Variants in CTNNBL1 observed in about 807,000 individuals in gnomAD.
CTNNBL1 encodes the protein beta-catenin-like protein 1.
CTNNBL1 carries 31 observed loss-of-function variants against 72.7 expected under a neutral mutation model. The observed-to-expected ratio is 0.43, with a 90% confidence interval of 0.32 to 0.58. The LOEUF (loss-of-function observed/expected upper bound fraction) is 0.58, where lower values mean the gene tolerates loss of function less well. Among genes scored for constraint, CTNNBL1 ranks in the 20% least tolerant of loss-of-function variants. The pLI is 0.08. For synonymous variants in CTNNBL1, 240 were observed against 267.3 expected (o/e 0.90, Z 1.00); for missense variants, 534 against 725.1 (o/e 0.74, Z 3.03).
intron 13 of CTNNBL1, among the ~76,000 whole-genome samples, chr20:37,849,666 A>T (rs1421983289): frequency 2.6e-5 from 4 of 152,228 alleles, no homozygotes; most frequent in Non-Finnish European, 5.9e-5. Flanking sequence ...TTTCCCTGAC[A>T]GTTTCTGCAG....
At chr20:37,751,957 T>C (rs1211488459) in intron 4 of CTNNBL1, among the ~76,000 whole-genome samples, 1 of 152,258 alleles carries the variant, frequency 6.6e-6, no homozygotes, top group African/African-American at 2.4e-5. Context: ...TATGTATTGA[T>C]AAGCCACTTA....
At chr20:37,718,607 C>T (rs2073014027) in intron 1 of CTNNBL1, among the ~76,000 whole-genome samples, 1 of 152,016 alleles carries the variant, frequency 6.6e-6, no homozygotes, top group African/African-American at 2.4e-5. Flanking sequence ...CCCCACCTCC[C>T]TCCCGGACGG....
At chr20:37,773,243 A>G (rs1408099001) in intron 7 of CTNNBL1, among the ~76,000 whole-genome samples, 3 of 152,172 alleles carry the variant, frequency 2.0e-5, no homozygotes, top group Non-Finnish European at 4.4e-5. Flanking sequence ...TGCTTTGACA[A>G]TTGTACAGAG....
chr20:37,700,327 T>C (rs1218275060), intron 1 of CTNNBL1, among the ~76,000 whole-genome samples: 1 of 152,196 alleles, frequency 6.6e-6, no homozygotes, highest in Non-Finnish European at 1.5e-5. Flanking sequence ...AAAAATATCA[T>C]GCAGTGTCAA....
At chr20:37,705,066 G>A (rs2072874052) in intron 1 of CTNNBL1, among the ~76,000 whole-genome samples, 1 of 152,206 alleles carries the variant, frequency 6.6e-6, no homozygotes, top group Non-Finnish European at 1.5e-5. Flanking sequence ...ACAATAGCTT[G>A]TCAGCACTGT....
At chr20:37,742,503 T>C (rs192419852) in intron 3 of CTNNBL1, among the ~76,000 whole-genome samples, 14 of 152,318 alleles carry the variant, frequency 9.2e-5, no homozygotes, top group African/African-American at 3.4e-4. Flanking sequence ...TGAAACTGTA[T>C]CTCTCCCAGC....
intron 13 of CTNNBL1, among the ~76,000 whole-genome samples, chr20:37,858,607 A>T (rs2880987): frequency 0.7 from 106,493 of 151,684 alleles, 38,078 homozygotes; most frequent in East Asian, 0.86. Flanking sequence ...GGGTTGGGGG[A>T]TGGTAAAGAT....
At chr20:37,714,056 A>G (rs968869160) in intron 1 of CTNNBL1, among the ~76,000 whole-genome samples, 1 of 148,844 alleles carries the variant, frequency 6.7e-6, no homozygotes, top group Admixed American at 6.7e-5. Flanking sequence ...GAGGGCTCCA[A>G]TGGATGAAGT....
intron 7 of CTNNBL1, among the ~76,000 whole-genome samples, chr20:37,772,943 C>T (rs2073538842): frequency 6.6e-6 from 1 of 152,130 alleles, no homozygotes; most frequent in South Asian, 2.1e-4. Flanking sequence ...AGGATAAAAA[C>T]CACTGCAGAT....
chr20:37,860,273 T>A lies in CTNNBL1; in HGVS notation c.1532T>A (p.Ile511Asn). The change falls in exon 15 of 16, where the codon ATT (isoleucine) becomes AAT (asparagine). Residue 511 changes from isoleucine (I) to asparagine (N), a missense_variant and splice_region_variant. Ile to Asn is a moderately radical substitution (Grantham distance 149). Coordinates refer to ENST00000361383, the MANE Select transcript of CTNNBL1 (RefSeq NM_030877.5). ...AEICNANVPQIRQRVHQILNM... is the reference protein window; with the variant it reads ...AEICNANVPQNRQRVHQILNM... ...TCTACCCATTTTTTCCCTTATTAGA[T>A]TCGCCAGAGGGTTCACCAGATCCTA... The A allele has an allele frequency of 6.2e-7, 1 of 1,613,960 alleles. No homozygotes were observed. The highest frequency in any genetic ancestry group is 8.5e-7 in the Non-Finnish European group (1 of 1,179,814).
intron 1 of CTNNBL1, among the ~76,000 whole-genome samples, chr20:37,696,699 T>C (rs1043696455): frequency 1.3e-5 from 2 of 151,902 alleles, no homozygotes; most frequent in African/African-American, 4.8e-5. Context: ...AGCCTTGGCC[T>C]CCCAAAGTGC....
intron 11 of CTNNBL1, among the ~76,000 whole-genome samples, chr20:37,829,421 G>A (rs887329999): frequency 6.6e-6 from 1 of 152,210 alleles, no homozygotes; most frequent in Non-Finnish European, 1.5e-5. Flanking sequence ...TGCAGGTTCT[G>A]AAGCCGAGTG....
intron 5 of CTNNBL1, among the ~76,000 whole-genome samples, chr20:37,761,466 C>A (rs73909437): frequency 0.011 from 1,624 of 152,320 alleles, 24 homozygotes; most frequent in African/African-American, 0.038. Context: ...TGTAAGGGTA[C>A]TTACTATGAA....
intron 10 of CTNNBL1, among the ~76,000 whole-genome samples, chr20:37,790,457 G>A (rs2073714276): frequency 6.6e-6 from 1 of 152,178 alleles, no homozygotes. Context: ...TATACAGGTT[G>A]TGTTCCAAGC....
At chr20:37,821,694 T>G (rs2122772113) in intron 11 of CTNNBL1, among the ~76,000 whole-genome samples, 1 of 152,354 alleles carries the variant, frequency 6.6e-6, no homozygotes, top group South Asian at 2.1e-4. Flanking sequence ...TATTGATAGT[T>G]CAGCTGTATA....
intron 11 of CTNNBL1, among the ~76,000 whole-genome samples, chr20:37,821,753 C>T (rs573662386): frequency 6.6e-6 from 1 of 152,330 alleles, no homozygotes; most frequent in South Asian, 2.1e-4. Context: ...ACCCTTGGCA[C>T]TATTGACACT....
At chr20:37,787,596 G>C (rs1013437238) in intron 10 of CTNNBL1, among the ~76,000 whole-genome samples, 1 of 152,122 alleles carries the variant, frequency 6.6e-6, no homozygotes, top group African/African-American at 2.4e-5. Flanking sequence ...CGCACGCCTT[G>C]GCCTCCCAAA....
chr20:37,809,646 C>T (rs2071991913), intron 11 of CTNNBL1, among the ~76,000 whole-genome samples: 1 of 152,242 alleles, frequency 6.6e-6, no homozygotes. Flanking sequence ...GCCTGCTCTT[C>T]TCTGAATTGC....
At chr20:37,870,809 C>T (rs373120806) in intron 15 of CTNNBL1, among the ~76,000 whole-genome samples, 22 of 152,272 alleles carry the variant, frequency 1.4e-4, no homozygotes, top group African/African-American at 4.8e-4. Flanking sequence ...TCCCGTGGCT[C>T]CAGGCTGTGG....
Sources: gnomAD v4.1 joint callset for allele counts (sites outside exome capture counted in the v4.1 genomes callset) on GRCh38, gnomAD v4.1.1 for gene constraint, MANE v1.5 for transcripts, NCBI Gene and HGNC (gene_info 2026-07-23, HGNC 2026-07-21) for gene names.